Variants in LIN7A observed in about 807,000 individuals in gnomAD.
The protein encoded by LIN7A is lin-7 cell polarity scaffold A, also known as protein lin-7 homolog A.
A neutral mutation model predicts 29.8 loss-of-function variants in LIN7A; 25 were observed. The observed-to-expected ratio is 0.84, with a 90% CI of 0.61 to 1.17. The LOEUF (loss-of-function observed/expected upper bound fraction) is 1.17. Among genes scored for constraint, LIN7A ranks in the 50% most tolerant of loss-of-function variants. LIN7A has a pLI of 0.00. For missense variants in LIN7A, 239 were observed against 287.0 expected, an observed-to-expected ratio of 0.83 and a Z score of 1.21; for synonymous variants, 118 against 107.5, an observed-to-expected ratio of 1.10 and a Z score of -0.60.
chr12:80,815,350 A>T (rs1307358214), intron 4 of LIN7A, among the ~76,000 whole-genome samples: 2 of 152,210 alleles, frequency 1.3e-5, no homozygotes, highest in Non-Finnish European at 2.9e-5. Flanking sequence ...AAGCCAAAAG[A>T]TCTACTCAGT....
intron 4 of LIN7A, among the ~76,000 whole-genome samples, chr12:80,841,342 G>GGGAAGGAAGGAAGGAA (rs201176926): frequency 2.4e-5 from 3 of 126,002 alleles, no homozygotes; most frequent in Non-Finnish European, 5.0e-5. Flanking sequence ...GAAAGAGGGA[G>GGGAAGGAAGGAAGGAA]GGAAGGAAGG....
chr12:80,908,923 T>A (rs1310071222), intron 1 of LIN7A, among the ~76,000 whole-genome samples: 2 of 152,124 alleles, frequency 1.3e-5, no homozygotes, highest in African/African-American at 4.8e-5. Flanking sequence ...GCAAATATTT[T>A]CTCCTAATCT....
chr12:80,838,699 C>T (rs111606669), intron 4 of LIN7A, among the ~76,000 whole-genome samples: 158 of 152,246 alleles, frequency 1.0e-3, no homozygotes, highest in Middle Eastern at 3.4e-3. Context: ...CATCTGCTAA[C>T]GACTTCTAGG....
intron 1 of LIN7A, among the ~76,000 whole-genome samples, chr12:80,922,273 A>G (rs536789635): frequency 1.3e-5 from 2 of 152,334 alleles, no homozygotes; most frequent in South Asian, 4.1e-4. Context: ...TTGGATAAGA[A>G]CAGTCTATGT....
intron 1 of LIN7A, among the ~76,000 whole-genome samples, chr12:80,905,556 A>T (rs1259941363): frequency 2.6e-5 from 4 of 152,124 alleles, no homozygotes; most frequent in African/African-American, 9.7e-5. Context: ...GCCTTATTTT[A>T]TTTTATCTCC....
chr12:80,915,715 C>T (rs1399914117), intron 1 of LIN7A, among the ~76,000 whole-genome samples: 3 of 152,188 alleles, frequency 2.0e-5, no homozygotes, highest in African/African-American at 7.2e-5. Context: ...AAATCATGTG[C>T]TTTGCAGCAA....
At position 80,794,149 on chromosome 12, in the gene LIN7A, A is replaced by AT. The variant is rs1201557671; in HGVS notation, c.*3577dup. 4 of 152,148 alleles carry AT rather than the reference A, an allele frequency of 2.6e-5. No homozygotes were observed. The highest frequency in any genetic ancestry group is 6.6e-5 in the Admixed American group (1 of 15,264). The allele number at this position is 152,148 out of a possible 1,614,324, so 9.4% of individuals were successfully genotyped here. On this transcript the variant is annotated 3_prime_UTR_variant, in exon 6 of 6. Coordinates refer to ENST00000552864, the MANE Select transcript of LIN7A (RefSeq NM_004664.4). ...AATATAAGCTGGTAAAATTTGTGAGATTTTCAGAAGGCAAAATCCATGTTT... is the reference window on the plus strand; with the variant it reads ...AATATAAGCTGGTAAAATTTGTGAGATTTTTCAGAAGGCAAAATCCATGTTT...
chr12:80,810,771 A>G (rs1871249872), intron 5 of LIN7A, among the ~76,000 whole-genome samples: 1 of 152,306 alleles, frequency 6.6e-6, no homozygotes, highest in South Asian at 2.1e-4. Context: ...CCTCTTTTTG[A>G]TAATAGCCAA....
chr12:80,937,711 C>A lies in LIN7A; in HGVS notation c.12G>T (p.Pro4=). The change falls in exon 1 of 6, where the codon CCG becomes CCT. Residue 4 remains proline (P), a synonymous_variant. Coordinates refer to ENST00000552864, the MANE Select transcript of LIN7A (RefSeq NM_004664.4). The part of the protein sequence containing the change: MLK[P]SVTSAPTADM... The stretch of plus-strand genomic sequence containing the variant: ...CTGCCGTGGGAGCCGAAGTGACGCT[C>A]GGCTTCAGCATCAGCAACCGCTCGT... The A allele has an allele frequency of 7.1e-7, 1 of 1,415,104 alleles. No individual in the cohort carries two copies. The highest frequency in any genetic ancestry group is 9.4e-7 in the Non-Finnish European group (1 of 1,059,878). 87.7% of individuals were successfully genotyped at this position (1,415,104 alleles called of 1,614,324 possible).
intron 2 of LIN7A, among the ~76,000 whole-genome samples, chr12:80,870,470 T>C (rs1378953761): frequency 6.6e-6 from 1 of 152,188 alleles, no homozygotes; most frequent in Non-Finnish European, 1.5e-5. Flanking sequence ...ACTGGGCATG[T>C]CCTGGGCAAA....
intron 4 of LIN7A, among the ~76,000 whole-genome samples, chr12:80,813,172 A>G (rs956956146): frequency 2.0e-5 from 3 of 151,872 alleles, no homozygotes; most frequent in East Asian, 1.9e-4. Flanking sequence ...CACCACGCCC[A>G]GCTAATTTTT....
chr12:80,866,289 T>A lies in LIN7A; in HGVS notation c.202-17967A>T, dbSNP rs761512484. On this transcript the variant is annotated intron_variant, in intron 2 of 5. Transcript: ENST00000552864. The stretch of plus-strand genomic sequence containing the variant: ...CTACTCTATCAAAAGTAGTAGGTAC[T>A]TGATTACATTTGAATATGGTTCAAA... 2.0e-5 allele frequency among the ~76,000 whole-genome samples: 3 copies of A among 152,234 alleles called. No individual in the cohort carries two copies. The East Asian group carries it at 5.8e-4, about 29-fold the overall frequency.
At chr12:80,807,081 T>TTTTTTG (rs1565883904) in intron 5 of LIN7A, among the ~76,000 whole-genome samples, 4 of 135,574 alleles carry the variant, frequency 3.0e-5, no homozygotes, top group Non-Finnish European at 6.2e-5. Flanking sequence ...TTTTTTTTTT[T>TTTTTTG]TTTTTTTTTT....
In LIN7A at chr12:80,884,631, G is replaced by A. The variant is rs189290684; in HGVS notation, c.201+4620C>T. On this transcript the variant is annotated intron_variant, in intron 2 of 5. Transcript: ENST00000552864. ...AACCATAGATAGCTTTAGATAGGAC[G>A]GAGAAATTCAACTGTAGCATGCACA... 1.4e-3 allele frequency among the ~76,000 whole-genome samples: 207 copies of A among 152,218 alleles called. 1 individual carries two copies. Among genetic ancestry groups the A allele is most frequent in the African/African-American group, 3.8e-3 (156 of 41,564 alleles).
At chr12:80,900,873 A>G (rs531030337) in intron 1 of LIN7A, among the ~76,000 whole-genome samples, 110 of 152,326 alleles carry the variant, frequency 7.2e-4, no homozygotes, top group Non-Finnish European at 1.5e-3. Flanking sequence ...ATGAGGATTT[A>G]AGGAACTGGA....
intron 2 of LIN7A, among the ~76,000 whole-genome samples, chr12:80,853,974 A>G (rs1228181044): frequency 6.6e-6 from 1 of 152,162 alleles, no homozygotes; most frequent in Non-Finnish European, 1.5e-5. Flanking sequence ...GATTACAGGC[A>G]TGAGCCACTG....
chr12:80,908,255 A>T (rs772953118), intron 1 of LIN7A, among the ~76,000 whole-genome samples: 1 of 152,140 alleles, frequency 6.6e-6, no homozygotes, highest in Non-Finnish European at 1.5e-5. Context: ...ATAGATTGCT[A>T]TATATACAAA....
intron 4 of LIN7A, among the ~76,000 whole-genome samples, chr12:80,824,220 A>G (rs1224306216): frequency 6.6e-6 from 1 of 152,170 alleles, no homozygotes. Context: ...AAGATTATTC[A>G]AGGCTACTGT....
intron 1 of LIN7A, among the ~76,000 whole-genome samples, chr12:80,893,424 C>A (rs1395419513): frequency 6.6e-6 from 1 of 152,004 alleles, no homozygotes; most frequent in Non-Finnish European, 1.5e-5. Flanking sequence ...CATATGATTT[C>A]TAAGACCATC....
Sources: gnomAD v4.1 joint callset for allele counts (sites outside exome capture counted in the v4.1 genomes callset) on GRCh38, gnomAD v4.1.1 for gene constraint, MANE v1.5 for transcripts, NCBI Gene and HGNC (gene_info 2026-07-23, HGNC 2026-07-21) for gene names.